Variants in RIT2 observed in about 807,000 individuals in gnomAD.
The protein encoded by RIT2 is GTP-binding protein Rit2.
In RIT2, 24 loss-of-function variants were observed where a neutral mutation model predicts 23.7. The ratio of observed to expected loss-of-function variants is 1.01; its 90% confidence interval spans 0.73 to 1.43. The LOEUF (loss-of-function observed/expected upper bound fraction) is 1.43, where lower values mean the gene tolerates loss of function less well. Among genes scored for constraint, RIT2 ranks in the 40% most tolerant of loss-of-function variants. The pLI is 0.00. For synonymous variants in RIT2, 107 were observed against 91.1 expected, an observed-to-expected ratio of 1.17 and a Z score of -0.99; for missense variants, 236 against 266.9, an observed-to-expected ratio of 0.88 and a Z score of 0.81.
chr18:43,022,343 G>A (rs539983983), intron 2 of RIT2, among the ~76,000 whole-genome samples: 1 of 152,238 alleles, frequency 6.6e-6, no homozygotes, highest in East Asian at 1.9e-4. Context: ...TGGCTAATAT[G>A]TAGAAACATA....
intron 1 of RIT2, among the ~76,000 whole-genome samples, chr18:43,043,942 T>C (rs1912187994): frequency 6.6e-6 from 1 of 152,096 alleles, no homozygotes; most frequent in African/African-American, 2.4e-5. Context: ...GAAATAGAGC[T>C]ACAAGAATCC....
At chr18:42,818,058 A>G (rs1906046934) in intron 4 of RIT2, among the ~76,000 whole-genome samples, 1 of 152,038 alleles carries the variant, frequency 6.6e-6, no homozygotes, top group Admixed American at 6.6e-5. Context: ...TGATTTTATA[A>G]GATGAATTTT....
At chr18:43,099,380 T>C (rs1913629588) in intron 1 of RIT2, among the ~76,000 whole-genome samples, 1 of 152,052 alleles carries the variant, frequency 6.6e-6, no homozygotes, top group African/African-American at 2.4e-5. Context: ...AACATTACAT[T>C]AAGTAACGTA....
At chr18:42,951,242 C>CAGACATAAAA (rs1257253795) in intron 3 of RIT2, among the ~76,000 whole-genome samples, 1 of 151,998 alleles carries the variant, frequency 6.6e-6, no homozygotes, top group Non-Finnish European at 1.5e-5. Flanking sequence ...GACTATTATG[C>CAGACATAAAA]AGACATAAAA....
At chr18:42,785,296 A>G (rs1330551607) in intron 4 of RIT2, among the ~76,000 whole-genome samples, 1 of 152,054 alleles carries the variant, frequency 6.6e-6, no homozygotes, top group Non-Finnish European at 1.5e-5. Context: ...TACTTTTTTC[A>G]TTCGCTCTGT....
chr18:42,909,482 C>T (rs928834560), intron 4 of RIT2, among the ~76,000 whole-genome samples: 1 of 152,026 alleles, frequency 6.6e-6, no homozygotes, highest in African/African-American at 2.4e-5. Context: ...TTTAAAAACC[C>T]TCCAGTTTTC....
chr18:43,101,135 T>C (rs1228062311), intron 1 of RIT2, among the ~76,000 whole-genome samples: 1 of 152,074 alleles, frequency 6.6e-6, no homozygotes, highest in African/African-American at 2.4e-5. Flanking sequence ...TGAGGACTAT[T>C]AGGAATAATG....
intron 2 of RIT2, among the ~76,000 whole-genome samples, chr18:43,005,138 A>G (rs1476277765): frequency 2.0e-5 from 3 of 151,868 alleles, no homozygotes; most frequent in African/African-American, 7.2e-5. Context: ...TTCACCTCTA[A>G]TGCTTTAGCT....
intron 2 of RIT2, among the ~76,000 whole-genome samples, chr18:43,023,737 G>A (rs963681384): frequency 5.3e-5 from 8 of 151,968 alleles, no homozygotes; most frequent in African/African-American, 1.9e-4. Context: ...TTATTTTCTA[G>A]CTAAGGAAGA....
chr18:42,846,557 A>G (rs1841471595), intron 4 of RIT2, among the ~76,000 whole-genome samples: 1 of 152,012 alleles, frequency 6.6e-6, no homozygotes, highest in Admixed American at 6.6e-5. Flanking sequence ...AATACTGGCA[A>G]ACCAAATCCA....
At chr18:43,055,631 G>A (rs926258023) in intron 1 of RIT2, among the ~76,000 whole-genome samples, 14 of 152,064 alleles carry the variant, frequency 9.2e-5, no homozygotes, top group Non-Finnish European at 1.5e-5. Flanking sequence ...AACACAAAAG[G>A]AGTTCTTCAC....
At chr18:42,935,113 G>GA (rs1218482299) in intron 3 of RIT2, among the ~76,000 whole-genome samples, 1 of 152,040 alleles carries the variant, frequency 6.6e-6, no homozygotes, top group Non-Finnish European at 1.5e-5. Flanking sequence ...CTGGGACAAA[G>GA]AAAAAAGAAA....
chr18:42,747,487 A>G (rs1380520824), intron 4 of RIT2, among the ~76,000 whole-genome samples: 1 of 151,910 alleles, frequency 6.6e-6, no homozygotes, highest in African/African-American at 2.4e-5. Context: ...AAAGCAATCT[A>G]TAAATGCAAT....
At chr18:42,803,228 T>C (rs1250756495) in intron 4 of RIT2, among the ~76,000 whole-genome samples, 2 of 152,238 alleles carry the variant, frequency 1.3e-5, no homozygotes, top group South Asian at 2.1e-4. Context: ...TATATTGGCT[T>C]CTTTTGTTAA....
At chr18:42,770,022 T>G (rs1009694789) in intron 4 of RIT2, among the ~76,000 whole-genome samples, 1 of 151,052 alleles carries the variant, frequency 6.6e-6, no homozygotes, top group Non-Finnish European at 1.5e-5. Context: ...GATTCCTAGT[T>G]TTTTTTTTGC....
At chr18:42,953,467 A>C (rs1909901687) in intron 3 of RIT2, among the ~76,000 whole-genome samples, 1 of 152,146 alleles carries the variant, frequency 6.6e-6, no homozygotes, top group Non-Finnish European at 1.5e-5. Context: ...ATGGGAGAAC[A>C]AAGAGGACAT....
chr18:43,062,899 G>T (rs989201072), intron 1 of RIT2, among the ~76,000 whole-genome samples: 5 of 152,160 alleles, frequency 3.3e-5, no homozygotes, highest in African/African-American at 1.2e-4. Flanking sequence ...GGAAAACTTA[G>T]AGGGTGTGTG....
chr18:42,981,692 T>G (rs1910602732), intron 2 of RIT2, among the ~76,000 whole-genome samples: 1 of 152,020 alleles, frequency 6.6e-6, no homozygotes, highest in South Asian at 2.1e-4. Context: ...AAAAATATAT[T>G]TATTCATATT....
intron 2 of RIT2, among the ~76,000 whole-genome samples, chr18:43,000,154 T>C (rs770005196): frequency 7.9e-5 from 12 of 152,194 alleles, no homozygotes; most frequent in Admixed American, 2.0e-4. Flanking sequence ...TTAGTAAATG[T>C]TTGAATTACT....
Sources: allele counts gnomAD v4.1 joint callset (sites outside exome capture counted in the v4.1 genomes callset), GRCh38; gene constraint gnomAD v4.1.1; transcripts MANE v1.5; gene names NCBI Gene and HGNC (gene_info 2026-07-23, HGNC 2026-07-21).